FARSA: variants seen among roughly 807,000 people sequenced by gnomAD.
FARSA encodes the protein phenylalanyl-tRNA synthetase subunit alpha.
In FARSA, 37 loss-of-function variants were observed where a neutral mutation model predicts 63.2. The ratio of observed to expected loss-of-function variants is 0.59; its 90% CI spans 0.45 to 0.77. The LOEUF is 0.77. FARSA is among the 30% of genes least tolerant of loss of function. The pLI is 0.00. For synonymous variants in FARSA, 312 were observed against 285.1 expected (o/e 1.09, Z -0.95); for missense variants, 618 against 696.6 (o/e 0.89, Z 1.27).
At chr19:12,929,477 G>T (rs1971366361) in intron 4 of FARSA, among the ~76,000 whole-genome samples, 1 of 152,188 alleles carries the variant, frequency 6.6e-6, no homozygotes, top group African/African-American at 2.4e-5. Context: ...AAAGTGCTGG[G>T]ATTACAGGCA....
Position 12,928,589 on chromosome 19 carries a change from A to C in FARSA, c.671T>G (p.Leu224Arg). 1.2e-6 allele frequency: 2 copies of C among 1,613,612 alleles called. No homozygotes were observed. Among genetic ancestry groups the C allele is most frequent in the Non-Finnish European group, 1.7e-6 (2 of 1,179,760 alleles). Residue 224 changes from leucine to arginine, a missense_variant, in exon 6 of 13, where the codon CTT (leucine) becomes CGT (arginine). Transcript: ENST00000314606. ...AHGVLPDSGH[L>R]HPLLKVRSQF... is the part of the protein sequence containing the mutation. ...GGAGCGGACCTTGAGCAGCGGGTGA[A>C]GGTGGCCGCTGTCGGGGAGGACACC...
chr19:12,925,039 C>T, intron 8 of FARSA, 36 bp from the exon 9 acceptor site: 1 of 1,612,486 alleles, frequency 6.2e-7, no homozygotes, highest in Non-Finnish European at 8.5e-7. Context: ...ATGCAATGGC[C>T]CAGGGGTCCC....
chr19:12,926,473 C>A (rs1446405639), intron 7 of FARSA, among the ~76,000 whole-genome samples: 1 of 150,566 alleles, frequency 6.6e-6, no homozygotes, highest in Admixed American at 6.7e-5. Flanking sequence ...CGGGGTTTCA[C>A]TGTGTTATCC....
At chr19:12,925,861 TG>T (rs947163430) in intron 7 of FARSA, among the ~76,000 whole-genome samples, 1 of 152,042 alleles carries the variant, frequency 6.6e-6, no homozygotes, top group African/African-American at 2.4e-5. Context: ...TTGGTAGACG[TG>T]GGGTTTCACC....
Position 12,922,584 on chromosome 19 carries a change from C to T in FARSA, c.*164G>A. 1.2e-6 allele frequency: 1 copy of T among 832,520 alleles called. No individual in the cohort carries two copies. The highest frequency in any genetic ancestry group is 1.8e-6 in the Non-Finnish European group (1 of 542,492). The allele number at this position is 832,520 out of a possible 1,614,324, so 51.6% of individuals were successfully genotyped here. A position where few individuals can be genotyped will look rare whatever the true frequency, so the allele number is the denominator to read the frequency against. ...ACAGGACAACAGAAGGAACCTGCTACCCAGTCCTCTGTCCCTGGGATTCTG... is the reference window on the plus strand; with the variant it reads ...ACAGGACAACAGAAGGAACCTGCTATCCAGTCCTCTGTCCCTGGGATTCTG... On this transcript the variant is annotated 3_prime_UTR_variant, in exon 13 of 13. Transcript: ENST00000314606.
intron 1 of FARSA, among the ~76,000 whole-genome samples, chr19:12,931,398 G>A (rs922156672): frequency 3.9e-5 from 6 of 151,996 alleles, no homozygotes; most frequent in Non-Finnish European, 7.4e-5. Flanking sequence ...CGAGTAGCTC[G>A]GATTACAGGT....
At chr19:12,928,255 T>G (rs1197168473) in intron 7 of FARSA, 87 bp downstream of exon 7, 24 of 1,074,924 alleles carry the variant, frequency 2.2e-5, no homozygotes, top group Non-Finnish European at 3.2e-5. Context: ...TAGACCTAAT[T>G]TGATCAAATG....
At position 12,930,705 on chromosome 19, in the gene FARSA, A is replaced by G. The variant is rs199944878; in HGVS notation, c.192T>C (p.Thr64=). 12 of 1,612,588 alleles carry G rather than the reference A, an allele frequency of 7.4e-6. No homozygotes were observed. The highest frequency in any genetic ancestry group is 8.5e-6 in the Non-Finnish European group (10 of 1,180,026). The part of the protein sequence containing the change: ...ELRSTKHWEL[T]AEGEEIAREG... ...CCCGGGCAATCTCCTCGCCCTCCGC[A>G]GTAAGCTCCCAGTGCTTGGTGGACC... The change falls in exon 2 of 13, where the codon ACT becomes ACC. Residue 64 remains threonine (T), a synonymous_variant. Coordinates refer to ENST00000314606, the MANE Select transcript of FARSA (RefSeq NM_004461.3).
chr19:12,930,521 G>A lies in FARSA; in HGVS notation c.292C>T (p.Pro98Ser), dbSNP rs1568445539. The A allele has an allele frequency of 1.2e-6, 2 of 1,613,642 alleles. No individual in the cohort carries two copies. Among genetic ancestry groups the A allele is most frequent in the East Asian group, 4.5e-5 (2 of 44,892 alleles). Residue 98 changes from proline (P) to serine (S), a missense_variant, in exon 3 of 13, where the codon CCC becomes TCC. By Grantham distance (74) the Pro-to-Ser change is moderately conservative. Coordinates refer to ENST00000314606, the MANE Select transcript of FARSA (RefSeq NM_004461.3). ...TTGCTGAAGCCCACTTTGCCACTGG[G>A]CAGTCGCTGGAAAAGAGAGGCTGCA... is the stretch of plus-strand genomic sequence containing the variant. ...GLAQSELMRL[P>S]SGKVGFSKAM...
In FARSA at chr19:12,922,866, C is replaced by A. The variant is rs1971280199; in HGVS notation, c.1409G>T (p.Gly470Val). The change falls in exon 13 of 13, where the codon GGC becomes GTC. Residue 470 changes from glycine to valine, a missense_variant. Transcript: ENST00000314606. Reference sequence around the variant, plus strand: ...CACCAGCTCCCGGATATTGTTGATGCCATATTTGATCATCGTTGGGCTTGT... The same window carrying A: ...CACCAGCTCCCGGATATTGTTGATGACATATTTGATCATCGTTGGGCTTGT... ...SLERPTMIKYGINNIRELVGH... is the reference protein window; with the variant it reads ...SLERPTMIKYVINNIRELVGH... The A allele has an allele frequency of 1.2e-6, 2 of 1,613,982 alleles. No individual in the cohort carries two copies. The highest frequency in any genetic ancestry group is 2.7e-5 in the African/African-American group (2 of 74,890).
chr19:12,930,076 G>C lies in FARSA; in HGVS notation c.503+147C>G, dbSNP rs542299947. ...CTCATGGGCAAAGACCCCAAGGCAC[G>C]TAGGCTTGACAACTATGGCATTAAG... On this transcript the variant is annotated intron_variant, in intron 4 of 12. Transcript: ENST00000314606. 7.3e-6 allele frequency: 5 copies of C among 684,066 alleles called. No homozygotes were observed. In the South Asian group the frequency reaches 8.7e-5, roughly 12 times the overall value. The allele number at this position is 684,066 out of a possible 1,614,324, so 42.4% of individuals were successfully genotyped here.
chr19:12,922,945 A>C (rs1971281380), intron 12 of FARSA, 59 bp from the exon 13 acceptor site: 3 of 1,608,790 alleles, frequency 1.9e-6, no homozygotes, highest in Non-Finnish European at 2.5e-6. Context: ...TTCTGCTCAG[A>C]TTTCCATGGC....
Position 12,933,553 on chromosome 19 carries a change from G to A in FARSA, c.144C>T (p.Gly48=). 5 of 1,542,902 alleles carry A rather than the reference G, an allele frequency of 3.2e-6. No individual in the cohort carries two copies. The highest frequency in any genetic ancestry group is 4.4e-6 in the Non-Finnish European group (5 of 1,148,984). Residue 48 remains glycine, a synonymous_variant, in exon 1 of 13, where the codon GGC becomes GGT. Coordinates refer to ENST00000314606, the MANE Select transcript of FARSA (RefSeq NM_004461.3). ...CGGCATCACGGGCCCGGCTCACCTCGCCCAGCGCCTGAAGGCTCTTCACGG... is the reference window on the plus strand; with the variant it reads ...CGGCATCACGGGCCCGGCTCACCTCACCCAGCGCCTGAAGGCTCTTCACGG... ...VGAVKSLQAL[G]EVIEAELRST... is the part of the protein sequence containing the mutation.
rs760393206 is a variant in FARSA at position 12,928,569 on chromosome 19, G to A, written c.691C>T (p.Arg231Cys). 18 of 1,613,870 alleles carry A rather than the reference G, an allele frequency of 1.1e-5. No homozygotes were observed. Among genetic ancestry groups the A allele is most frequent in the East Asian group, 6.7e-5 (3 of 44,880 alleles). Residue 231 changes from arginine (R) to cysteine (C), a missense_variant, in exon 6 of 13, where the codon CGC becomes TGC. Arg to Cys is a radical substitution (Grantham distance 180). Coordinates refer to ENST00000314606, the MANE Select transcript of FARSA (RefSeq NM_004461.3). Reference protein sequence around the residue: ...SGHLHPLLKVRSQFRQIFLEM... With the variant: ...SGHLHPLLKVCSQFRQIFLEM... ...AGGAAGATCTGTCGGAACTGGGAGC[G>A]GACCTTGAGCAGCGGGTGAAGGTGG...
chr19:12,929,199 ATTTG>A (rs762909360), intron 4 of FARSA, among the ~76,000 whole-genome samples: 20 of 151,880 alleles, frequency 1.3e-4, no homozygotes, highest in Admixed American at 5.9e-4. Context: ...AGTTTTTTTT[ATTTG>A]TTTGTTTGTT....
At chr19:12,933,192 C>A (rs1971414706) in intron 1 of FARSA, 1 of 286,640 alleles carries the variant, frequency 3.5e-6, no homozygotes, top group Non-Finnish European at 6.7e-6. Context: ...CTCTCCCTGA[C>A]CCCCAAGGCT....
chr19:12,928,568 C>T lies in FARSA; in HGVS notation c.692G>A (p.Arg231His), dbSNP rs775334415. ...CAGGAAGATCTGTCGGAACTGGGAG[C>T]GGACCTTGAGCAGCGGGTGAAGGTG... Reference protein sequence around the residue: ...SGHLHPLLKVRSQFRQIFLEM... With the variant: ...SGHLHPLLKVHSQFRQIFLEM... The change falls in exon 6 of 13, where the codon CGC (arginine) becomes CAC (histidine). Residue 231 changes from arginine to histidine, a missense_variant. Coordinates refer to ENST00000314606, the MANE Select transcript of FARSA (RefSeq NM_004461.3). 4 of 1,613,904 alleles carry T rather than the reference C, an allele frequency of 2.5e-6. No individual in the cohort carries two copies. Among genetic ancestry groups the T allele is most frequent in the African/African-American group, 1.3e-5 (1 of 75,036 alleles).
In FARSA at chr19:12,922,802, G is replaced by T. The variant is rs771618775; in HGVS notation, c.1473C>A (p.Pro491=). The T allele has an allele frequency of 2.5e-6, 4 of 1,614,020 alleles. No homozygotes were observed. Among genetic ancestry groups the T allele is most frequent in the Non-Finnish European group, 2.5e-6 (3 of 1,180,040 alleles). Residue 491 remains proline, a synonymous_variant, in exon 13 of 13, where the codon CCC becomes CCA. Coordinates refer to ENST00000314606, the MANE Select transcript of FARSA (RefSeq NM_004461.3). ...KVNLQMVYDS[P]LCRLDAEPRP... ...TCGGCTCGGCATCCAGGCGGCACAG[G>T]GGACTGTCATACACCATCTGCAGGT...
chr19:12,927,213 C>T (rs992818354), intron 7 of FARSA, among the ~76,000 whole-genome samples: 6 of 152,224 alleles, frequency 3.9e-5, no homozygotes, highest in Non-Finnish European at 7.3e-5. Context: ...AGGCTGCAGC[C>T]TGCCTTGAAG....
Sources: gnomAD v4.1 joint callset for allele counts (sites outside exome capture counted in the v4.1 genomes callset) on GRCh38, gnomAD v4.1.1 for gene constraint, MANE v1.5 for transcripts, NCBI Gene and HGNC (gene_info 2026-07-23, HGNC 2026-07-21) for gene names.